The following SLC2A9 variants were observed in gnomAD, a reference collection of about 807,000 sequenced individuals.
SLC2A9 encodes the protein solute carrier family 2 member 9.
SLC2A9 carries 39 observed loss-of-function variants against 50.6 expected under a neutral mutation model. The observed-to-expected ratio is 0.77, with a 90% CI of 0.60 to 1.01. The LOEUF is 1.01. SLC2A9 is among the 50% of genes least tolerant of loss of function. SLC2A9 has a pLI of 0.00. For synonymous variants in SLC2A9, 324 were observed against 276.9 expected (o/e 1.17, Z -1.69); for missense variants, 686 against 677.6 (o/e 1.01, Z -0.14).
At chr4:9,957,486 G>C (rs1453550860) in intron 5 of SLC2A9, among the ~76,000 whole-genome samples, 1 of 152,026 alleles carries the variant, frequency 6.6e-6, no homozygotes, top group Non-Finnish European at 1.5e-5. Context: ...AAAGGAGAAA[G>C]GCAAAAAGAA....
intron 3 of SLC2A9, among the ~76,000 whole-genome samples, chr4:9,994,718 G>A (rs1758325964): frequency 6.6e-6 from 1 of 151,974 alleles, no homozygotes; most frequent in Non-Finnish European, 1.5e-5. Flanking sequence ...GACTTGCTGA[G>A]CCACGGCATT....
At chr4:9,796,117 A>T (rs1577307488), downstream of SLC2A9, among the ~76,000 whole-genome samples, 1 of 151,704 alleles carries the variant, frequency 6.6e-6, no homozygotes, top group Non-Finnish European at 1.5e-5. Flanking sequence ...TTCTCACTGA[A>T]CCCCCTGCCT....
intron 6 of SLC2A9, among the ~76,000 whole-genome samples, chr4:9,931,958 CTCTCTA>C (rs1746122783): frequency 2.9e-5 from 1 of 34,416 alleles, no homozygotes; most frequent in Non-Finnish European, 4.9e-5. Context: ...CTCTCTCTCT[CTCTCTA>C]TATATATATA....
intron 1 of SLC2A9, among the ~76,000 whole-genome samples, chr4:10,032,276 C>A (rs1255253780): frequency 1.3e-5 from 2 of 152,014 alleles, no homozygotes; most frequent in African/African-American, 4.8e-5. Context: ...AACTGAACAT[C>A]TGTAGATGTG....
chr4:9,970,595 C>A (rs1753745559), intron 5 of SLC2A9, among the ~76,000 whole-genome samples: 1 of 151,562 alleles, frequency 6.6e-6, no homozygotes, highest in South Asian at 2.1e-4. Context: ...GTTAAACAAA[C>A]AAAAAGAGTT....
downstream of SLC2A9, among the ~76,000 whole-genome samples, chr4:9,825,529 C>T (rs998698663): frequency 4.3e-5 from 1 of 23,470 alleles, no homozygotes; most frequent in Admixed American, 5.2e-4. Flanking sequence ...CAATTAATCA[C>T]AATGTTTTTT....
At chr4:9,784,786 T>C (rs1276192000) in intron 3 of SLC2A9, among the ~76,000 whole-genome samples, 1 of 152,190 alleles carries the variant, frequency 6.6e-6, no homozygotes, top group Non-Finnish European at 1.5e-5. Flanking sequence ...GCAAATGAAA[T>C]GTGAATATGC....
chr4:9,836,210 G>C (rs868601728), intron 10 of SLC2A9, among the ~76,000 whole-genome samples: 1 of 151,662 alleles, frequency 6.6e-6, no homozygotes, highest in Non-Finnish European at 1.5e-5. Context: ...TATACTGCTT[G>C]GGTGATGGGT....
chr4:10,038,141 T>G (rs1764167588), intron 1 of SLC2A9, among the ~76,000 whole-genome samples: 1 of 152,042 alleles, frequency 6.6e-6, no homozygotes, highest in South Asian at 2.1e-4. Flanking sequence ...CCCTAAGACT[T>G]TCTGCATTTG....
At chr4:9,862,633 A>C (rs886925679) in intron 10 of SLC2A9, among the ~76,000 whole-genome samples, 5 of 151,930 alleles carry the variant, frequency 3.3e-5, no homozygotes, top group African/African-American at 1.2e-4. Flanking sequence ...GGACCTTTGC[A>C]CATTCTTCCC....
In SLC2A9 at chr4:9,869,934, T is replaced by C. The variant is rs1733137690; in HGVS notation, c.1291+17633A>G. ...GGCAAACATATGATTAGGTTAAGGA[T>C]GTTGAGAGGAGGACCTGGGTCCTAA... On this transcript the variant is annotated intron_variant, in intron 10 of 11. Transcript: ENST00000264784. Among the ~76,000 whole-genome samples the C allele has an allele frequency of 2.0e-5, 3 of 152,186 alleles. No homozygotes were observed. In the South Asian group the frequency reaches 6.2e-4, roughly 32 times the overall value.
At chr4:9,952,259 G>A (rs1194776143) in intron 5 of SLC2A9, among the ~76,000 whole-genome samples, 1 of 152,212 alleles carries the variant, frequency 6.6e-6, no homozygotes, top group Non-Finnish European at 1.5e-5. Flanking sequence ...CGATGTTGGA[G>A]GTGGGGCTTG....
chr4:9,931,985 T>TATATATATACAC lies in SLC2A9; in HGVS notation c.814+9927_814+9928insGTGTATATATAT, dbSNP rs1553879031. On this transcript the variant is annotated intron_variant, in intron 6 of 11. Transcript: ENST00000264784. Reference sequence around the variant, plus strand: ...CTCTATATATATATATATATATATATATATATATATATATGCCTTGCCTGA... The same window carrying TATATATATACAC: ...CTCTATATATATATATATATATATATATATATATACACATATATATATATATGCCTTGCCTGA... 1.4e-4 allele frequency among the ~76,000 whole-genome samples: 13 copies of TATATATATACAC among 95,684 alleles called. 1 individual carries two copies. The highest frequency in any genetic ancestry group is 1.8e-4 in the African/African-American group (4 of 22,514). The allele number at this position is 95,684 out of a possible 152,430, so 62.8% of individuals were successfully genotyped here.
intron 10 of SLC2A9, among the ~76,000 whole-genome samples, chr4:9,863,991 T>C (rs56288911): frequency 0.12 from 17,950 of 151,990 alleles, 1,330 homozygotes; most frequent in African/African-American, 0.16. Flanking sequence ...CCAGAGTGCA[T>C]ACACTTTTTC....
intron 5 of SLC2A9, among the ~76,000 whole-genome samples, chr4:9,951,211 T>C (rs1291747339): frequency 1.3e-5 from 2 of 152,184 alleles, no homozygotes; most frequent in African/African-American, 2.4e-5. Flanking sequence ...TTGGGGGGCA[T>C]TAACTAAAGT....
At chr4:9,853,338 T>C (rs1200903993) in intron 10 of SLC2A9, among the ~76,000 whole-genome samples, 1 of 150,032 alleles carries the variant, frequency 6.7e-6, no homozygotes, top group African/African-American at 2.5e-5. Flanking sequence ...CAGAAAAAAA[T>C]CAGGGGGTTG....
chr4:9,792,463 A>T (rs748445800), intron 3 of SLC2A9, among the ~76,000 whole-genome samples: 56 of 151,982 alleles, frequency 3.7e-4, no homozygotes, highest in Middle Eastern at 6.8e-3. Context: ...TGCTAGGATT[A>T]CAGGTAGGAG....
intron 10 of SLC2A9, among the ~76,000 whole-genome samples, chr4:9,842,550 A>G (rs958326849): frequency 6.6e-6 from 1 of 152,210 alleles, no homozygotes; most frequent in Non-Finnish European, 1.5e-5. Flanking sequence ...CCCAGTTACT[A>G]GTCCTGCTTG....
At chr4:10,023,616 C>T (rs537742911), upstream of SLC2A9, among the ~76,000 whole-genome samples, 2 of 152,326 alleles carry the variant, frequency 1.3e-5, no homozygotes, top group African/African-American at 4.8e-5. Context: ...AGTAAAAGAG[C>T]GGAGATGGGT....
Sources: allele counts gnomAD v4.1 joint callset (sites outside exome capture counted in the v4.1 genomes callset), GRCh38; gene constraint gnomAD v4.1.1; transcripts MANE v1.5; gene names NCBI Gene and HGNC (gene_info 2026-07-23, HGNC 2026-07-21).